Variants in PRLR observed in about 807,000 individuals in gnomAD.
PRLR encodes the protein hPRL receptor.
PRLR carries 13 observed loss-of-function variants against 40.2 expected under a neutral mutation model. That is an observed-to-expected ratio of 0.32 (90% CI 0.21 to 0.51). The LOEUF is 0.51. PRLR is among the 20% of genes least tolerant of loss of function. PRLR has a pLI of 0.97. For missense variants in PRLR, 656 were observed against 747.3 expected (o/e 0.88, Z 1.42); for synonymous variants, 269 against 278.7 (o/e 0.97, Z 0.35).
At chr5:35,052,370 A>C (rs1768523574), downstream of PRLR, among the ~76,000 whole-genome samples, 1 of 152,234 alleles carries the variant, frequency 6.6e-6, no homozygotes. Context: ...TAGATGTAGA[A>C]AAAAATTTGA....
At chr5:35,103,430 C>T (rs143833555) in intron 2 of PRLR, among the ~76,000 whole-genome samples, 5 of 152,314 alleles carry the variant, frequency 3.3e-5, no homozygotes, top group Admixed American at 1.3e-4. Flanking sequence ...AATGTCTGCA[C>T]ATTTGGCCAC....
rs187475303 is a variant in PRLR at position 35,143,506 on chromosome 5, C to A, written c.-105-25384G>T. Among the ~76,000 whole-genome samples, 236 of 152,336 alleles carry A rather than the reference C, an allele frequency of 1.5e-3. 1 individual carries two copies. The highest frequency in any genetic ancestry group is 7.5e-3 in the Admixed American group (115 of 15,296). ...CTTATGCAAAGTACCTCCTTACAGA[C>A]ACACAAACCTCGTTTGTTTTCTTCA... On this transcript the variant is annotated intron_variant, in intron 1 of 9. Coordinates refer to ENST00000618457, the MANE Select transcript of PRLR (RefSeq NM_000949.7).
intron 2 of PRLR, among the ~76,000 whole-genome samples, chr5:35,115,830 T>A (rs895204609): frequency 1.8e-4 from 28 of 152,102 alleles, no homozygotes; most frequent in African/African-American, 6.8e-4. Context: ...AGACATCATA[T>A]AAAAGGCTGC....
intron 1 of PRLR, among the ~76,000 whole-genome samples, chr5:35,150,779 C>T (rs376945137): frequency 2.7e-4 from 41 of 152,236 alleles, no homozygotes; most frequent in African/African-American, 9.6e-4. Flanking sequence ...ATTTCACATG[C>T]CTTAGAGGAG....
In PRLR at chr5:35,084,746, C is replaced by T. The variant is rs73767506; in HGVS notation, c.204-107G>A. 9.8e-4 allele frequency: 1,044 copies of T among 1,066,756 alleles called. 7 individuals are homozygous for T. In the African/African-American group the frequency reaches 0.015, roughly 16 times the overall value. 66.1% of individuals were successfully genotyped at this position (1,066,756 alleles called of 1,614,324 possible). A position where few individuals can be genotyped will look rare whatever the true frequency, so the allele number is the denominator to read the frequency against. The stretch of plus-strand genomic sequence containing the variant: ...GCCTTTGGGTATCAGAAATTCCAAG[C>T]GCAAAACCCAGAGCTGACAAATGGT... On this transcript the variant is annotated intron_variant, in intron 4 of 9. Transcript: ENST00000618457.
chr5:35,190,883 A>G (rs6891939), intron 1 of PRLR, among the ~76,000 whole-genome samples: 136,700 of 152,012 alleles, frequency 0.9, 62,283 homozygotes, highest in African/African-American at 0.97. Flanking sequence ...TGAACCTGGT[A>G]ATGAGCAAAT....
chr5:35,158,460 T>A (rs1010812643), intron 1 of PRLR, among the ~76,000 whole-genome samples: 4 of 152,178 alleles, frequency 2.6e-5, no homozygotes, highest in Non-Finnish European at 4.4e-5. Flanking sequence ...TACACAAGAA[T>A]AATTTACTAG....
chr5:35,197,239 A>G (rs768913671), intron 1 of PRLR, among the ~76,000 whole-genome samples: 3 of 152,216 alleles, frequency 2.0e-5, no homozygotes, highest in Non-Finnish European at 4.4e-5. Context: ...GAGAATGGGA[A>G]AGTGAGGCCA....
rs998958261 is a variant in PRLR at position 35,141,886 on chromosome 5, C to T, written c.-105-23764G>A. 3.9e-5 allele frequency among the ~76,000 whole-genome samples: 6 copies of T among 152,188 alleles called. No individual in the cohort carries two copies. The East Asian group carries it at 5.8e-4, about 15-fold the overall frequency. On this transcript the variant is annotated intron_variant, in intron 1 of 9. Coordinates refer to ENST00000618457, the MANE Select transcript of PRLR (RefSeq NM_000949.7). ...ATTCATGACAGCACTTGTTACATTG[C>T]GTGTTCATTTTCTCTTAACTGGTTC...
rs999558123 is a variant in PRLR at position 35,165,408 on chromosome 5, T to C, written c.-105-47286A>G. ...TGCATTGTACCAATAGGCAAGGAGA[T>C]AGCAAGTTACACCATTCAAAAATTG... is the stretch of plus-strand genomic sequence containing the variant. On this transcript the variant is annotated intron_variant, in intron 1 of 9. Coordinates refer to ENST00000618457, the MANE Select transcript of PRLR (RefSeq NM_000949.7). Among the ~76,000 whole-genome samples, 4 of 152,324 alleles carry C rather than the reference T, an allele frequency of 2.6e-5. No homozygotes were observed. The South Asian group carries it at 6.2e-4, about 24-fold the overall frequency.
chr5:35,167,176 T>C (rs1005827378), intron 1 of PRLR, among the ~76,000 whole-genome samples: 8 of 151,538 alleles, frequency 5.3e-5, no homozygotes, highest in Non-Finnish European at 1.0e-4. Flanking sequence ...TATCTATCTA[T>C]CTATCTATCT....
chr5:35,083,446 C>CTGTGTG (rs1183506375), intron 5 of PRLR, among the ~76,000 whole-genome samples: 96 of 141,466 alleles, frequency 6.8e-4, no homozygotes, highest in African/African-American at 2.7e-3. Context: ...CTTCCTCTCT[C>CTGTGTG]TCTGTGTGTG....
At chr5:35,193,276 G>A (rs1775653305) in intron 1 of PRLR, among the ~76,000 whole-genome samples, 1 of 152,134 alleles carries the variant, frequency 6.6e-6, no homozygotes, top group Non-Finnish European at 1.5e-5. Flanking sequence ...TAGCCTTTGA[G>A]CAAAGCAGCC....
intron 2 of PRLR, among the ~76,000 whole-genome samples, chr5:35,100,278 T>A (rs1771798099): frequency 1.3e-5 from 2 of 149,580 alleles, no homozygotes; most frequent in African/African-American, 2.5e-5. Flanking sequence ...AAGAAAAAAA[T>A]TTAAAAAAAA....
intron 2 of PRLR, among the ~76,000 whole-genome samples, chr5:35,102,486 G>A (rs1230792364): frequency 4.5e-5 from 4 of 89,394 alleles, no homozygotes; most frequent in Non-Finnish European, 7.4e-5. Context: ...GTCCCGTCCC[G>A]TCTCCTCTCC....
intron 1 of PRLR, among the ~76,000 whole-genome samples, chr5:35,190,858 A>G (rs1047623013): frequency 2.3e-4 from 35 of 152,130 alleles, no homozygotes; most frequent in African/African-American, 6.8e-4. Context: ...GGGAAGAGCC[A>G]CACAGACAGG....
At chr5:35,162,885 C>T (rs139981834) in intron 1 of PRLR, among the ~76,000 whole-genome samples, 216 of 152,276 alleles carry the variant, frequency 1.4e-3, no homozygotes, top group African/African-American at 5.0e-3. Flanking sequence ...AAGGGGAGTA[C>T]GTTGATATAT....
chr5:35,099,719 G>C (rs1252921587), intron 2 of PRLR, among the ~76,000 whole-genome samples: 1 of 152,072 alleles, frequency 6.6e-6, no homozygotes, highest in Non-Finnish European at 1.5e-5. Flanking sequence ...TGTAGTTCTA[G>C]GCTAATGTGA....
intron 5 of PRLR, among the ~76,000 whole-genome samples, chr5:35,080,865 A>C (rs1579599266): frequency 6.6e-6 from 1 of 152,224 alleles, no homozygotes; most frequent in African/African-American, 2.4e-5. Context: ...GCAGCCATAA[A>C]AATGGATGAG....
Sources: allele counts gnomAD v4.1 joint callset (sites outside exome capture counted in the v4.1 genomes callset), GRCh38; gene constraint gnomAD v4.1.1; transcripts MANE v1.5; gene names NCBI Gene and HGNC (gene_info 2026-07-23, HGNC 2026-07-21).